The following SPMIP7 variants were observed in gnomAD, a reference collection of about 807,000 sequenced individuals.
SPMIP7 encodes protein SPMIP7.
chr7:50,152,976 C>A, the SPMIP7 span, among the ~76,000 whole-genome samples: 1 of 152,112 alleles, frequency 6.6e-6, no homozygotes, highest in East Asian at 1.9e-4. Context: ...CATGAGCCAC[C>A]GTGCCTGGCC....
At chr7:50,111,407 A>T in the SPMIP7 span, among the ~76,000 whole-genome samples, 1 of 152,170 alleles carries the variant, frequency 6.6e-6, no homozygotes, top group South Asian at 2.1e-4. Flanking sequence ...TGCATAGCAC[A>T]TGAGAATCTG....
chr7:50,151,671 T>C, the SPMIP7 span: 11 of 740,884 alleles, frequency 1.5e-5, no homozygotes, highest in African/African-American at 2.0e-4. Flanking sequence ...ACATTGTTTT[T>C]AAAAATGTGG....
chr7:50,110,571 T>C, the SPMIP7 span, among the ~76,000 whole-genome samples: 1 of 143,326 alleles, frequency 7.0e-6, no homozygotes, highest in African/African-American at 2.5e-5. Context: ...TTATATATAA[T>C]ATTTACTACA....
chr7:50,120,117 T>A, the SPMIP7 span: 1 of 152,222 alleles, frequency 6.6e-6, no homozygotes, highest in African/African-American at 2.4e-5. Context: ...CCTGGCTCAC[T>A]CCTGTCTTCC....
the SPMIP7 span, among the ~76,000 whole-genome samples, chr7:50,124,098 T>G: frequency 6.6e-6 from 1 of 152,114 alleles, no homozygotes; most frequent in Admixed American, 6.6e-5. Context: ...TATTTTGAGA[T>G]CAGATTAAAT....
the SPMIP7 span, among the ~76,000 whole-genome samples, chr7:50,148,198 T>A: frequency 6.6e-6 from 1 of 152,216 alleles, no homozygotes; most frequent in African/African-American, 2.4e-5. Context: ...GGTGAGGACT[T>A]TCGTTTTCAA....
the SPMIP7 span, chr7:50,159,101 C>G: frequency 1.9e-6 from 3 of 1,551,758 alleles, 1 homozygote; most frequent in Middle Eastern, 3.3e-4. Context: ...TCCCCTGTCT[C>G]GACTGGTCAC....
the SPMIP7 span, chr7:50,129,648 A>T: frequency 9.4e-7 from 1 of 1,064,586 alleles, no homozygotes; most frequent in Non-Finnish European, 1.4e-6. Flanking sequence ...AGAAAACATG[A>T]TGACTAGAAA....
At chr7:50,138,981 T>G in the SPMIP7 span, among the ~76,000 whole-genome samples, 17 of 152,266 alleles carry the variant, frequency 1.1e-4, no homozygotes, top group East Asian at 2.9e-3. Flanking sequence ...GCCAAATGTG[T>G]AAAATACCCC....
the SPMIP7 span, among the ~76,000 whole-genome samples, chr7:50,137,279 T>C: frequency 6.6e-6 from 1 of 152,204 alleles, no homozygotes; most frequent in South Asian, 2.1e-4. Flanking sequence ...GAAAATAATT[T>C]ACATTATTTA....
At chr7:50,134,232 C>A in the SPMIP7 span, 1 of 1,541,900 alleles carries the variant, frequency 6.5e-7, no homozygotes. Context: ...TAAAGGGGTG[C>A]CAGCAATAAC....
chr7:50,148,383 G>A, the SPMIP7 span, among the ~76,000 whole-genome samples: 1 of 152,232 alleles, frequency 6.6e-6, no homozygotes, highest in Non-Finnish European at 1.5e-5. Flanking sequence ...CACAGAGGCT[G>A]TGCAATGTTT....
At chr7:50,144,787 T>C in the SPMIP7 span, among the ~76,000 whole-genome samples, 1 of 152,152 alleles carries the variant, frequency 6.6e-6, no homozygotes, top group African/African-American at 2.4e-5. Context: ...AAAATAGTCA[T>C]TGGGTTCAAC....
At chr7:50,115,309 A>C in the SPMIP7 span, among the ~76,000 whole-genome samples, 2 of 152,200 alleles carry the variant, frequency 1.3e-5, no homozygotes, top group Non-Finnish European at 2.9e-5. Context: ...AACTCAAAAT[A>C]CATGAAGCAC....
chr7:50,125,585 G>GGTGTGTGT, the SPMIP7 span, among the ~76,000 whole-genome samples: 8 of 140,824 alleles, frequency 5.7e-5, no homozygotes, highest in African/African-American at 2.1e-4. Context: ...AAGAAAATAT[G>GGTGTGTGT]GTGTGTGTGT....
At chr7:50,117,322 A>G in the SPMIP7 span, 1 of 440,954 alleles carries the variant, frequency 2.3e-6, no homozygotes, top group Admixed American at 2.6e-5. Context: ...TAGCTAAGCC[A>G]TATTTTAATT....
the SPMIP7 span, among the ~76,000 whole-genome samples, chr7:50,138,017 T>C: frequency 1.3e-5 from 2 of 152,194 alleles, no homozygotes; most frequent in Admixed American, 6.5e-5. Context: ...AATTCATCAA[T>C]ATTTTTCTTC....
chr7:50,098,614 T>C, the SPMIP7 span, among the ~76,000 whole-genome samples: 6 of 152,170 alleles, frequency 3.9e-5, no homozygotes, highest in Non-Finnish European at 5.9e-5. Flanking sequence ...ATGGAATTGG[T>C]ATATTTGATT....
the SPMIP7 span, among the ~76,000 whole-genome samples, chr7:50,127,727 A>G: frequency 6.6e-6 from 1 of 151,526 alleles, no homozygotes; most frequent in African/African-American, 2.4e-5. Flanking sequence ...GCTCAATATC[A>G]CCAATCAGAG....
Sources: gnomAD v4.1 joint callset for allele counts (sites outside exome capture counted in the v4.1 genomes callset) on GRCh38, gnomAD v4.1.1 for gene constraint, MANE v1.5 for transcripts, NCBI Gene and HGNC (gene_info 2026-07-23, HGNC 2026-07-21) for gene names.